UBE2E3: variants seen among roughly 807,000 people sequenced by gnomAD.
UBE2E3 encodes the protein ubiquitin-conjugating enzyme E2 E3.
In UBE2E3, 5 loss-of-function variants were observed where a neutral mutation model predicts 23.6. That is an observed-to-expected ratio of 0.21 (90% CI 0.11 to 0.44). The LOEUF (loss-of-function observed/expected upper bound fraction) is 0.44, where lower values mean the gene tolerates loss of function less well. Ranked by LOEUF, UBE2E3 falls within the 20% of genes least tolerant of loss-of-function variation. UBE2E3 has a pLI of 0.99. For synonymous variants in UBE2E3, 78 were observed against 87.5 expected, an observed-to-expected ratio of 0.89 and a Z score of 0.60; for missense variants, 81 against 249.8, an observed-to-expected ratio of 0.32 and a Z score of 4.55.
intron 3 of UBE2E3, among the ~76,000 whole-genome samples, chr2:181,054,311 A>T (rs1449069628): frequency 1.3e-5 from 2 of 151,872 alleles, no homozygotes; most frequent in Non-Finnish European, 2.9e-5. Flanking sequence ...CATAAAAATG[A>T]ATCTAGATAT....
intron 3 of UBE2E3, among the ~76,000 whole-genome samples, chr2:181,027,437 G>A (rs1349327893): frequency 6.6e-6 from 1 of 151,838 alleles, no homozygotes; most frequent in Non-Finnish European, 1.5e-5. Flanking sequence ...ATTTGAAATA[G>A]GAACTATTTG....
At chr2:181,047,303 G>A (rs189103212) in intron 3 of UBE2E3, among the ~76,000 whole-genome samples, 78 of 151,990 alleles carry the variant, frequency 5.1e-4, no homozygotes, top group Middle Eastern at 3.4e-3. Context: ...GTATCATCTC[G>A]CCTTCTTACT....
intron 3 of UBE2E3, among the ~76,000 whole-genome samples, chr2:181,006,808 C>T (rs1685163085): frequency 6.6e-6 from 1 of 152,080 alleles, no homozygotes; most frequent in Non-Finnish European, 1.5e-5. Context: ...GTTAGAAACC[C>T]TTTGGATCCT....
intron 1 of UBE2E3, chr2:180,981,216 C>A (rs1273740200): frequency 2.7e-5 from 4 of 150,748 alleles, no homozygotes; most frequent in African/African-American, 9.7e-5. Flanking sequence ...CCGCCGCCGG[C>A]CGTGGCTCGC....
chr2:180,992,442 C>T (rs1684689333), intron 3 of UBE2E3, among the ~76,000 whole-genome samples: 1 of 152,182 alleles, frequency 6.6e-6, no homozygotes, highest in Non-Finnish European at 1.5e-5. Flanking sequence ...TGATTACAAA[C>T]AAACCTAGAA....
chr2:181,035,516 A>G (rs1236136170), intron 3 of UBE2E3, among the ~76,000 whole-genome samples: 2 of 152,180 alleles, frequency 1.3e-5, no homozygotes. Context: ...ATATATGTAT[A>G]CTTTAATAAA....
chr2:181,051,372 T>G (rs1686840852), intron 3 of UBE2E3, among the ~76,000 whole-genome samples: 1 of 151,832 alleles, frequency 6.6e-6, no homozygotes, highest in Admixed American at 6.6e-5. Flanking sequence ...AGGTTGGATA[T>G]CTTCTCATTT....
intron 4 of UBE2E3, among the ~76,000 whole-genome samples, chr2:181,059,725 C>T (rs2105482642): frequency 6.6e-6 from 1 of 151,684 alleles, no homozygotes; most frequent in South Asian, 2.1e-4. Context: ...CTGTATTGGT[C>T]AGAGCAGTTC....
chr2:181,047,874 T>C (rs568212259), intron 3 of UBE2E3, among the ~76,000 whole-genome samples: 2 of 152,262 alleles, frequency 1.3e-5, no homozygotes, highest in Non-Finnish European at 2.9e-5. Flanking sequence ...CCTATTTCTT[T>C]TAATATAAAG....
chr2:181,029,651 T>C (rs1453291479), intron 3 of UBE2E3, among the ~76,000 whole-genome samples: 1 of 140,164 alleles, frequency 7.1e-6, no homozygotes, highest in African/African-American at 2.6e-5. Context: ...TTTTTATCTG[T>C]AGACAATCTT....
At chr2:181,057,118 A>G (rs1404405830) in intron 3 of UBE2E3, among the ~76,000 whole-genome samples, 3 of 151,860 alleles carry the variant, frequency 2.0e-5, no homozygotes, top group Admixed American at 2.0e-4. Flanking sequence ...GAGAATAAAG[A>G]CACAGGAAAT....
chr2:181,053,855 C>G (rs1019317309), intron 3 of UBE2E3, among the ~76,000 whole-genome samples: 4 of 151,798 alleles, frequency 2.6e-5, no homozygotes, highest in Admixed American at 2.6e-4. Context: ...CTCTTCATCC[C>G]TTCCACCCCA....
At chr2:181,053,066 T>C (rs1330628233) in intron 3 of UBE2E3, among the ~76,000 whole-genome samples, 1 of 151,812 alleles carries the variant, frequency 6.6e-6, no homozygotes, top group East Asian at 1.9e-4. Flanking sequence ...TCTTTTCCTC[T>C]CGTTCTTTGT....
chr2:181,022,962 G>C, intron 3 of UBE2E3, among the ~76,000 whole-genome samples: 1 of 152,216 alleles, frequency 6.6e-6, no homozygotes, highest in East Asian at 1.9e-4. Context: ...CAAAAATACA[G>C]TTAATGCTGG....
intron 3 of UBE2E3, among the ~76,000 whole-genome samples, chr2:181,021,700 A>G (rs1478421497): frequency 1.0e-5 from 1 of 97,432 alleles, no homozygotes; most frequent in East Asian, 3.0e-4. Context: ...TTTTAAATAT[A>G]CTATATCTAT....
At chr2:181,009,281 T>C (rs945231909) in intron 3 of UBE2E3, among the ~76,000 whole-genome samples, 4 of 152,152 alleles carry the variant, frequency 2.6e-5, no homozygotes, top group Non-Finnish European at 5.9e-5. Context: ...TGAAAATCAG[T>C]GACCTTTTAT....
chr2:181,001,528 A>G (rs1684991537), intron 3 of UBE2E3, among the ~76,000 whole-genome samples: 1 of 152,200 alleles, frequency 6.6e-6, no homozygotes, highest in Non-Finnish European at 1.5e-5. Flanking sequence ...TTGATACAGC[A>G]CCAGATAAGT....
At chr2:181,021,828 A>G (rs1049275435) in intron 3 of UBE2E3, among the ~76,000 whole-genome samples, 6 of 151,936 alleles carry the variant, frequency 3.9e-5, no homozygotes, top group African/African-American at 1.5e-4. Flanking sequence ...TTCAAGGATT[A>G]TAAGTAGGTT....
chr2:181,052,996 TC>T, intron 3 of UBE2E3, among the ~76,000 whole-genome samples: 1 of 152,000 alleles, frequency 6.6e-6, no homozygotes, highest in Middle Eastern at 3.4e-3. Flanking sequence ...ACAATGCTGT[TC>T]CCTCTTAGTC....
Sources: gnomAD v4.1 joint callset for allele counts (sites outside exome capture counted in the v4.1 genomes callset) on GRCh38, gnomAD v4.1.1 for gene constraint, MANE v1.5 for transcripts, NCBI Gene and HGNC (gene_info 2026-07-23, HGNC 2026-07-21) for gene names.